LOXL2: variants seen among roughly 807,000 people sequenced by gnomAD.
The protein encoded by LOXL2 is lysyl oxidase like 2.
A neutral mutation model predicts 93.0 loss-of-function variants in LOXL2; 70 were observed. That is an observed-to-expected ratio of 0.75 (90% confidence interval 0.62 to 0.92). The LOEUF (loss-of-function observed/expected upper bound fraction) is 0.92, where lower values mean the gene tolerates loss of function less well. Among genes scored for constraint, LOXL2 ranks in the 40% least tolerant of loss-of-function variants. LOXL2 has a pLI of 0.00. For synonymous variants in LOXL2, 438 were observed against 413.2 expected, an observed-to-expected ratio of 1.06 and a Z score of -0.73; for missense variants, 973 against 1,054.9, an observed-to-expected ratio of 0.92 and a Z score of 1.08.
At chr8:23,394,888 C>G (rs1800069263) in intron 1 of LOXL2, among the ~76,000 whole-genome samples, 1 of 152,086 alleles carries the variant, frequency 6.6e-6, no homozygotes, top group Admixed American at 6.5e-5. Context: ...AATGGATTAA[C>G]AAAATACGGT....
chr8:23,360,200 T>C lies in LOXL2; in HGVS notation c.421A>G (p.Asn141Asp), dbSNP rs753206704. The C allele has an allele frequency of 6.2e-7, 1 of 1,614,066 alleles. No individual in the cohort carries two copies. Among genetic ancestry groups the C allele is most frequent in the Non-Finnish European group, 8.5e-7 (1 of 1,179,954 alleles). ...TTGCAGTCAGTGACGCCCCAGCCAT[T>C]GGAGGTGCATGCTGCAAGGGTCGCC... ...NEATLAACTS[N>D]GWGVTDCKHT... The change falls in exon 3 of 14, where the codon AAT (asparagine) becomes GAT (aspartate). Residue 141 changes from asparagine (N) to aspartate (D), a missense_variant. Physicochemically the swap from Asn to Asp is conservative, Grantham distance 23. Coordinates refer to ENST00000389131, the MANE Select transcript of LOXL2 (RefSeq NM_002318.3).
At position 23,383,853 on chromosome 8, in the gene LOXL2, G is replaced by A. The variant is rs1451065323; in HGVS notation, c.-83-15419C>T. ...TTTTTTGTATTTTTAGTAGAGACGG[G>A]GTTTCACCGTGTTAGCCAGGATGGT... is the stretch of plus-strand genomic sequence containing the variant. On this transcript the variant is annotated intron_variant, in intron 1 of 13. Transcript: ENST00000389131. 1.3e-5 allele frequency among the ~76,000 whole-genome samples: 2 copies of A among 151,634 alleles called. 1 individual carries two copies.
At position 23,307,170 on chromosome 8, in the gene LOXL2, T is replaced by G. The variant is rs557801927; in HGVS notation, c.1880+2498A>C. ...TATTAAACTTCTAGAAATATTTGTTTTGAGGAGAGGAAGGGCCAGCTCTCA... is the reference window on the plus strand; with the variant it reads ...TATTAAACTTCTAGAAATATTTGTTGTGAGGAGAGGAAGGGCCAGCTCTCA... On this transcript the variant is annotated intron_variant, in intron 10 of 13. Coordinates refer to ENST00000389131, the MANE Select transcript of LOXL2 (RefSeq NM_002318.3). Among the ~76,000 whole-genome samples, 3 of 152,258 alleles carry G rather than the reference T, an allele frequency of 2.0e-5. No individual in the cohort carries two copies. The East Asian group carries it at 5.8e-4, about 29-fold the overall frequency.
intron 3 of LOXL2, among the ~76,000 whole-genome samples, chr8:23,348,361 G>A (rs1416160081): frequency 4.0e-5 from 6 of 151,796 alleles, no homozygotes; most frequent in East Asian, 1.9e-4. Context: ...CCTATGTAAC[G>A]GGCCTGCACA....
intron 1 of LOXL2, among the ~76,000 whole-genome samples, chr8:23,388,421 A>T (rs547477891): frequency 0.012 from 1,854 of 149,716 alleles, 17 homozygotes; most frequent in Middle Eastern, 0.035. Flanking sequence ...CTACAAAAAA[A>T]TTTTTTTTTT....
intron 9 of LOXL2, 102 bp from the exon 10 acceptor site, chr8:23,310,013 CA>C (rs1357578980): frequency 7.7e-7 from 1 of 1,300,218 alleles, no homozygotes; most frequent in African/African-American, 1.5e-5. Flanking sequence ...TGCCTACCGC[CA>C]CCTTCTGGAA....
At position 23,339,256 on chromosome 8, in the gene LOXL2, A is replaced by C. The variant is rs77462021; in HGVS notation, c.743+1736T>G. 5.5e-3 allele frequency among the ~76,000 whole-genome samples: 840 copies of C among 152,298 alleles called. 49 individuals carry two copies. The East Asian group carries it at 0.13, about 24-fold the overall frequency. ...GGAAGGCAGCCCCACCTCTCCAGCT[A>C]GAAGGCTGCAGGAGGGGCTGGTTTC... On this transcript the variant is annotated intron_variant, in intron 4 of 13. Coordinates refer to ENST00000389131, the MANE Select transcript of LOXL2 (RefSeq NM_002318.3).
At chr8:23,334,823 T>TG (rs952729495) in intron 4 of LOXL2, among the ~76,000 whole-genome samples, 5 of 149,780 alleles carry the variant, frequency 3.3e-5, no homozygotes, top group East Asian at 1.9e-4. Flanking sequence ...TTGTTGTTGT[T>TG]TTTTTTTTTT....
At chr8:23,399,458 CAATT>C (rs1170812333) in intron 1 of LOXL2, among the ~76,000 whole-genome samples, 2 of 152,084 alleles carry the variant, frequency 1.3e-5, no homozygotes. Context: ...ATCCATTCAC[CAATT>C]AATAGATGAA....
intron 3 of LOXL2, among the ~76,000 whole-genome samples, chr8:23,355,552 C>T (rs1014680356): frequency 1.7e-5 from 2 of 118,280 alleles, no homozygotes; most frequent in Non-Finnish European, 3.3e-5. Flanking sequence ...GCAGCCCTAT[C>T]ATACTCTTGG....
intron 1 of LOXL2, among the ~76,000 whole-genome samples, chr8:23,387,275 A>T (rs1464071725): frequency 1.3e-5 from 2 of 152,224 alleles, no homozygotes; most frequent in African/African-American, 4.8e-5. Context: ...ATTCTAGTAT[A>T]AGCTTTGCCA....
At chr8:23,353,965 T>C (rs549101896) in intron 3 of LOXL2, among the ~76,000 whole-genome samples, 2 of 152,234 alleles carry the variant, frequency 1.3e-5, no homozygotes, top group Admixed American at 6.5e-5. Context: ...TGATTTTTTT[T>C]CCTCCTCTAG....
chr8:23,363,503 C>T (rs1334926606), intron 2 of LOXL2: 1 of 152,204 alleles, frequency 6.6e-6, no homozygotes, highest in African/African-American at 2.4e-5. Context: ...TGCTAAGTTA[C>T]TAGCAACAGG....
chr8:23,313,856 G>A (rs966109692), intron 9 of LOXL2, among the ~76,000 whole-genome samples: 1 of 151,422 alleles, frequency 6.6e-6, no homozygotes, highest in Non-Finnish European at 1.5e-5. Flanking sequence ...AGAGTGAACA[G>A]GCAACCTACA....
Position 23,368,123 on chromosome 8 carries a change from C to CA in LOXL2, c.228dup (p.Asp77Ter). On this transcript the variant is annotated frameshift_variant, in exon 2 of 14. Transcript: ENST00000389131. LOFTEE classifies it high-confidence loss of function. The stretch of plus-strand genomic sequence containing the variant: ...TCGCACACGGTGCCCCACTGGCCAT[C>CA]ATAGTACACCTCCACCCGGCCCTCG... The CA allele has an allele frequency of 6.2e-7, 1 of 1,614,150 alleles. No individual in the cohort carries two copies. The highest frequency in any genetic ancestry group is 8.5e-7 in the Non-Finnish European group (1 of 1,180,048).
At chr8:23,305,182 G>A (rs1803210201) in intron 10 of LOXL2, among the ~76,000 whole-genome samples, 1 of 152,186 alleles carries the variant, frequency 6.6e-6, no homozygotes, top group East Asian at 1.9e-4. Flanking sequence ...AGGGGCTTAT[G>A]TGACCATGTT....
intron 3 of LOXL2, chr8:23,341,561 A>C: frequency 2.9e-6 from 1 of 342,342 alleles, no homozygotes; most frequent in Non-Finnish European, 5.6e-6. Flanking sequence ...AATGCACAGG[A>C]GAGAAAGTGT....
At chr8:23,302,291 G>A in intron 11 of LOXL2, 128 bp from the exon 12 acceptor site, 3 of 1,101,482 alleles carry the variant, frequency 2.7e-6, no homozygotes, top group Non-Finnish European at 4.0e-6. Flanking sequence ...TGTGTGGGCT[G>A]CTCATCTGTT....
At chr8:23,354,987 T>C (rs28479660) in intron 3 of LOXL2, among the ~76,000 whole-genome samples, 52,270 of 128,030 alleles carry the variant, frequency 0.41, 12,097 homozygotes, top group African/African-American at 0.61. Context: ...TGAGACAGTT[T>C]TGCTCTTGTT....
Sources: allele counts gnomAD v4.1 joint callset (sites outside exome capture counted in the v4.1 genomes callset), GRCh38; gene constraint gnomAD v4.1.1; transcripts MANE v1.5; gene names NCBI Gene and HGNC (gene_info 2026-07-23, HGNC 2026-07-21).